NLRP5: variants seen among roughly 807,000 people sequenced by gnomAD.
NLRP5 encodes the protein NACHT, LRR and PYD domains-containing protein 5.
A neutral mutation model predicts 113.1 loss-of-function variants in NLRP5; 93 were observed. The observed-to-expected ratio is 0.82, with a 90% CI of 0.70 to 0.98. The LOEUF (loss-of-function observed/expected upper bound fraction) is 0.98. Ranked by LOEUF, NLRP5 falls within the 50% of genes least tolerant of loss-of-function variation. The probability of loss-of-function intolerance (pLI) is 0.00; values close to 1 mark genes in which losing one functional copy is unlikely to be tolerated. For synonymous variants in NLRP5, 751 were observed against 600.7 expected (o/e 1.25, Z -3.66); for missense variants, 1,808 against 1,514.3 (o/e 1.19, Z -3.22).
chr19:56,036,155 C>T (rs955815521), intron 9 of NLRP5, among the ~76,000 whole-genome samples: 100 of 149,562 alleles, frequency 6.7e-4, no homozygotes, highest in African/African-American at 2.3e-3. Context: ...GCCCCACCTC[C>T]TGGGTTCACG....
chr19:56,027,122 A>G lies in NLRP5; in HGVS notation c.889A>G (p.Arg297Gly). Residue 297 changes from arginine to glycine, a missense_variant, in exon 7 of 15, where the codon AGA becomes GGA. Arg to Gly is a moderately radical substitution (Grantham distance 125, BLOSUM62 -2). Coordinates refer to ENST00000390649, the MANE Select transcript of NLRP5 (RefSeq NM_153447.4). Reference sequence around the variant, plus strand: ...AGGAATTGGGAAATCGGCTCTAGCCAGAAGGATCGTGCTGTGCTGGGCGCA... The same window carrying G: ...AGGAATTGGGAAATCGGCTCTAGCCGGAAGGATCGTGCTGTGCTGGGCGCA... The G allele has an allele frequency of 6.3e-7, 1 of 1,590,614 alleles. No homozygotes were observed. Among genetic ancestry groups the G allele is most frequent in the Non-Finnish European group, 8.6e-7 (1 of 1,168,614 alleles).
chr19:56,017,999 A>G (rs1016178179), intron 4 of NLRP5, among the ~76,000 whole-genome samples: 4 of 152,316 alleles, frequency 2.6e-5, no homozygotes, highest in Admixed American at 1.3e-4. Context: ...TCAGAAGATC[A>G]TATGGTCTCT....
intron 13 of NLRP5, among the ~76,000 whole-genome samples, chr19:56,055,254 A>T (rs2123341685): frequency 6.6e-6 from 1 of 151,546 alleles, no homozygotes; most frequent in African/African-American, 2.4e-5. Flanking sequence ...AGCCTCCCAA[A>T]GTGCTGGGAT....
In NLRP5 at chr19:56,026,975, G is replaced by A. The variant is rs1009470327; in HGVS notation, c.742G>A (p.Asp248Asn). ...GATGACCAAATTCGCTGAGGAGGAG[G>A]ATGTACGTCGTAGTTTTGAAAACAC... The change falls in exon 7 of 15, where the codon GAT becomes AAT. Residue 248 changes from aspartate to asparagine, a missense_variant. Asp to Asn is a conservative substitution (Grantham distance 23). Transcript: ENST00000390649. The A allele has an allele frequency of 8.4e-6, 13 of 1,551,750 alleles. No homozygotes were observed. Among genetic ancestry groups the A allele is most frequent in the Non-Finnish European group, 1.1e-5 (13 of 1,147,006 alleles).
intron 1 of NLRP5, among the ~76,000 whole-genome samples, chr19:56,000,509 C>T (rs142168363): frequency 1.8e-4 from 28 of 151,788 alleles, no homozygotes; most frequent in South Asian, 1.3e-3. Context: ...GGACTACAGG[C>T]GCCCGCCACC....
intron 11 of NLRP5, among the ~76,000 whole-genome samples, chr19:56,044,800 A>G (rs1235545468): frequency 1.3e-5 from 2 of 152,206 alleles, no homozygotes; most frequent in East Asian, 3.8e-4. Context: ...CTTTGGCAGC[A>G]TAGTCATTTT....
At chr19:56,000,675 TA>T (rs1981611716) in intron 1 of NLRP5, among the ~76,000 whole-genome samples, 1 of 151,684 alleles carries the variant, frequency 6.6e-6, no homozygotes. Context: ...CCTCATCTTG[TA>T]AAGCATATTA....
chr19:56,036,208 C>A (rs992238542), intron 9 of NLRP5, among the ~76,000 whole-genome samples: 16 of 151,518 alleles, frequency 1.1e-4, no homozygotes, highest in Non-Finnish European at 2.1e-4. Flanking sequence ...GGACTACAGG[C>A]GCCCGCCACC....
intron 4 of NLRP5, among the ~76,000 whole-genome samples, chr19:56,017,169 A>AT (rs1982439417): frequency 6.6e-6 from 1 of 152,098 alleles, no homozygotes; most frequent in Non-Finnish European, 1.5e-5. Context: ...GACTCCAGTA[A>AT]TTTTAGCTGT....
At chr19:56,011,089 G>T (rs1348732255) in intron 3 of NLRP5, among the ~76,000 whole-genome samples, 8 of 151,912 alleles carry the variant, frequency 5.3e-5, no homozygotes, top group Non-Finnish European at 5.9e-5. Context: ...GGGGGTTGAG[G>T]CTGCATTGAG....
intron 3 of NLRP5, among the ~76,000 whole-genome samples, chr19:56,011,158 A>AATATATATATATATAT (rs1555764999): frequency 6.9e-6 from 1 of 145,124 alleles, no homozygotes; most frequent in African/African-American, 2.5e-5. Flanking sequence ...GTCTTTAAAA[A>AATATATATATATATAT]ATATATATAC....
chr19:55,991,164 T>G, the NLRP5 span, among the ~76,000 whole-genome samples: 12 of 152,204 alleles, frequency 7.9e-5, no homozygotes, highest in African/African-American at 2.9e-4. Flanking sequence ...TCTGTCATCT[T>G]GTCTCTTTTA....
In NLRP5 at chr19:56,038,106, G is replaced by T; in HGVS notation, c.2697G>T (p.Leu899=). 1 of 1,613,968 alleles carries T rather than the reference G, an allele frequency of 6.2e-7. No homozygotes were observed. The highest frequency in any genetic ancestry group is 8.5e-7 in the Non-Finnish European group (1 of 1,179,858). Reference sequence around the variant, plus strand: ...CGACCTCCCCCAGCCTGAAATCTCTGAGCCTGGCAGGAAACAAGGTGACAG... The same window carrying T: ...CGACCTCCCCCAGCCTGAAATCTCTTAGCCTGGCAGGAAACAAGGTGACAG... The change falls in exon 10 of 15, where the codon CTG becomes CTT. Residue 899 remains leucine, a synonymous_variant. Transcript: ENST00000390649.
intron 6 of NLRP5, among the ~76,000 whole-genome samples, chr19:56,025,077 C>T (rs1007290287): frequency 6.6e-6 from 1 of 152,088 alleles, no homozygotes; most frequent in South Asian, 2.1e-4. Context: ...GCCTGATGAT[C>T]TGTCAGTGTC....
chr19:56,027,498 T>G lies in NLRP5; in HGVS notation c.1265T>G (p.Val422Gly). The G allele has an allele frequency of 6.2e-7, 1 of 1,613,952 alleles. No homozygotes were observed. The highest frequency in any genetic ancestry group is 8.5e-7 in the Non-Finnish European group (1 of 1,179,852). Reference sequence around the variant, plus strand: ...ACAGAGAAGCTCAAGTCAGAGGTCGTGTCTCCCCGTTACCTGTTAGTTAGA... The same window carrying G: ...ACAGAGAAGCTCAAGTCAGAGGTCGGGTCTCCCCGTTACCTGTTAGTTAGA... The change falls in exon 7 of 15, where the codon GTG (valine) becomes GGG (glycine). Residue 422 changes from valine to glycine, a missense_variant. Coordinates refer to ENST00000390649, the MANE Select transcript of NLRP5 (RefSeq NM_153447.4).
At chr19:56,048,468 C>T (rs1031378607) in intron 11 of NLRP5, among the ~76,000 whole-genome samples, 1 of 152,072 alleles carries the variant, frequency 6.6e-6, no homozygotes, top group African/African-American at 2.4e-5. Context: ...TGTATCTTTC[C>T]TTCATATAAA....
intron 6 of NLRP5, among the ~76,000 whole-genome samples, chr19:56,022,905 G>C (rs559677745): frequency 1.5e-4 from 23 of 152,210 alleles, no homozygotes; most frequent in Middle Eastern, 6.8e-3. Context: ...TGTATTTTTA[G>C]TAGAGAGATG....
chr19:56,044,615 A>G (rs916311036), intron 11 of NLRP5, among the ~76,000 whole-genome samples: 9 of 152,074 alleles, frequency 5.9e-5, no homozygotes, highest in African/African-American at 2.2e-4. Flanking sequence ...TTTGGTGACT[A>G]TGCCTTATAG....
In NLRP5 at chr19:56,037,938, C is replaced by CT. The variant is rs1240783014; in HGVS notation, c.2616-87_2616-86insT. On this transcript the variant is annotated intron_variant, in intron 9 of 14. Coordinates refer to ENST00000390649, the MANE Select transcript of NLRP5 (RefSeq NM_153447.4). ...CAGAGTTCGAGGACCAGGAAAACGGCCAGCGCTGCTGGCGTGTGCTGAGTA... is the reference window on the plus strand; with the variant it reads ...CAGAGTTCGAGGACCAGGAAAACGGCTCAGCGCTGCTGGCGTGTGCTGAGTA... 2.9e-6 allele frequency: 4 copies of CT among 1,394,878 alleles called. No individual in the cohort carries two copies. In the Admixed American group the frequency reaches 8.1e-5, roughly 28 times the overall value. The allele number at this position is 1,394,878 out of a possible 1,614,324, so 86.4% of individuals were successfully genotyped here.
Sources: allele counts gnomAD v4.1 joint callset (sites outside exome capture counted in the v4.1 genomes callset), GRCh38; gene constraint gnomAD v4.1.1; transcripts MANE v1.5; gene names NCBI Gene and HGNC (gene_info 2026-07-23, HGNC 2026-07-21).